The following TYW5 variants were observed in gnomAD, a reference collection of about 807,000 sequenced individuals.
The protein encoded by TYW5 is tRNA wybutosine-synthesizing protein 5.
In TYW5, 36 loss-of-function variants were observed where a neutral mutation model predicts 44.4. The ratio of observed to expected loss-of-function variants is 0.81; its 90% CI spans 0.62 to 1.07. TYW5 has a LOEUF of 1.07. Ranked by LOEUF, TYW5 falls within the 50% of genes least tolerant of loss-of-function variation. The pLI is 0.00. For synonymous variants in TYW5, 121 were observed against 128.1 expected, an observed-to-expected ratio of 0.94 and a Z score of 0.37; for missense variants, 354 against 365.7, an observed-to-expected ratio of 0.97 and a Z score of 0.26.
rs1307055517 is a variant in TYW5, at chr2:199,931,983, T to C, written c.*1084A>G. The stretch of plus-strand genomic sequence containing the variant: ...AAAAGGGATAGGTGGAAAAAATAGT[T>C]GGGAAATCTTTAACTAGGCTAAGGT... On this transcript the variant is annotated 3_prime_UTR_variant, in exon 8 of 8. Transcript: ENST00000354611. The C allele has an allele frequency of 1.3e-5, 2 of 151,652 alleles. No homozygotes were observed. The highest frequency in any genetic ancestry group is 2.9e-5 in the Non-Finnish European group (2 of 67,976). 9.4% of individuals were successfully genotyped at this position (151,652 alleles called of 1,614,324 possible).
chr2:199,946,227 A>G (rs2077502877), intron 2 of TYW5: 1 of 152,230 alleles, frequency 6.6e-6, no homozygotes, highest in East Asian at 1.9e-4. Context: ...CTGATATATA[A>G]TAAGTACTCA....
rs1468274388 is a variant in TYW5, at chr2:199,955,424, C to T, written c.47G>A (p.Arg16Gln). Residue 16 changes from arginine (R) to glutamine (Q), a missense_variant, in exon 1 of 8, where the codon CGG becomes CAG. Arg to Gln is a conservative substitution (Grantham distance 43). Transcript: ENST00000354611. ...GTAGAGGTGCTGCATGAACTGCTCC[C>T]GAGAAACGCCCTCCAGCCGGGGTAC... ...LPVPRLEGVSREQFMQHLYPQ... is the reference protein window; with the variant it reads ...LPVPRLEGVSQEQFMQHLYPQ... 1 of 1,613,920 alleles carries T rather than the reference C, an allele frequency of 6.2e-7. No individual in the cohort carries two copies. Among genetic ancestry groups the T allele is most frequent in the East Asian group, 2.2e-5 (1 of 44,862 alleles).
In TYW5 at chr2:199,932,971, G is replaced by A. The variant is rs1015492896; in HGVS notation, c.*96C>T. 5.7e-6 allele frequency: 8 copies of A among 1,403,946 alleles called. No individual in the cohort carries two copies. In the African/African-American group the frequency reaches 1.2e-4, roughly 20 times the overall value. The allele number at this position is 1,403,946 out of a possible 1,614,324, so 87.0% of individuals were successfully genotyped here. The stretch of plus-strand genomic sequence containing the variant: ...ACACCCCTTCGTACTTACATAATCT[G>A]TAAATCTGATGTATCTTTCCTATTT... On this transcript the variant is annotated 3_prime_UTR_variant, in exon 8 of 8. Coordinates refer to ENST00000354611, the MANE Select transcript of TYW5 (RefSeq NM_001039693.3).
At chr2:199,939,630 C>G (rs1296091900) in intron 4 of TYW5, among the ~76,000 whole-genome samples, 1 of 151,878 alleles carries the variant, frequency 6.6e-6, no homozygotes, top group Non-Finnish European at 1.5e-5. Context: ...AGGGAGGGGA[C>G]TAAAAGAGAG....
chr2:199,936,681 A>C (rs1419560727), intron 5 of TYW5, among the ~76,000 whole-genome samples, 189 bp from the exon 6 acceptor site: 1 of 152,230 alleles, frequency 6.6e-6, no homozygotes, highest in Non-Finnish European at 1.5e-5. Flanking sequence ...ACATTTCTGC[A>C]GTACTGCCCT....
intron 1 of TYW5, among the ~76,000 whole-genome samples, chr2:199,954,716 C>T (rs2077580074): frequency 6.6e-6 from 1 of 152,194 alleles, no homozygotes; most frequent in Non-Finnish European, 1.5e-5. Flanking sequence ...TGAGCCACCG[C>T]GCCCGGCCCC....
intron 1 of TYW5, among the ~76,000 whole-genome samples, chr2:199,950,572 C>T (rs1293159871): frequency 6.6e-6 from 1 of 152,150 alleles, no homozygotes; most frequent in Admixed American, 6.5e-5. Flanking sequence ...CTCCCACAAC[C>T]CCAAGATGTG....
chr2:199,937,318 T>C (rs2077428195), intron 5 of TYW5, among the ~76,000 whole-genome samples: 3 of 152,202 alleles, frequency 2.0e-5, no homozygotes, highest in Admixed American at 2.0e-4. Context: ...GCTTTATATA[T>C]TACATTCTAT....
At chr2:199,936,536 C>G in intron 5 of TYW5, 44 bp from the exon 6 acceptor site, 1 of 1,520,978 alleles carries the variant, frequency 6.6e-7, no homozygotes, top group South Asian at 1.1e-5. Context: ...ATCTAAAATT[C>G]AAATAAATAG....
At position 199,948,872 on chromosome 2, in the gene TYW5, T is replaced by C. The variant is rs376258774; in HGVS notation, c.79-400A>G. On this transcript the variant is annotated intron_variant, in intron 1 of 7. Transcript: ENST00000354611. ...AACATTTTGCACATTTGCTTTATGA[T>C]TTGTTCTTACTTTCAAGAGAAGGAC... Among the ~76,000 whole-genome samples, 11 of 152,310 alleles carry C rather than the reference T, an allele frequency of 7.2e-5. No individual in the cohort carries two copies. The East Asian group carries it at 9.6e-4, about 13-fold the overall frequency.
chr2:199,955,379 C>A lies in TYW5; in HGVS notation c.78+14G>T. The A allele has an allele frequency of 6.2e-7, 1 of 1,612,494 alleles. No homozygotes were observed. Among genetic ancestry groups the A allele is most frequent in the East Asian group, 2.2e-5 (1 of 44,852 alleles). On this transcript the variant is annotated intron_variant, in intron 1 of 7. Coordinates refer to ENST00000354611, the MANE Select transcript of TYW5 (RefSeq NM_001039693.3). ...GCTGGTTTCTCGAGGTTCTGCCCCG[C>A]GCGAGGGCCTCACCTGTGGGTAGAG...
chr2:199,932,801 C>T lies in TYW5; in HGVS notation c.*266G>A. On this transcript the variant is annotated 3_prime_UTR_variant, in exon 8 of 8. Transcript: ENST00000354611. ...TGCAGCACATTCTGTCAATAGATTT[C>T]ATGTATTGTGAATCAATATATTTTC... 1 of 415,068 alleles carries T rather than the reference C, an allele frequency of 2.4e-6. No homozygotes were observed. The highest frequency in any genetic ancestry group is 3.4e-5 in the South Asian group (1 of 29,280). 25.7% of individuals were successfully genotyped at this position (415,068 alleles called of 1,614,324 possible).
At chr2:199,939,694 T>G (rs1354439924) in intron 4 of TYW5, among the ~76,000 whole-genome samples, 2 of 152,198 alleles carry the variant, frequency 1.3e-5, no homozygotes, top group East Asian at 3.9e-4. Flanking sequence ...TTTGATCATT[T>G]TAGGGACTAC....
intron 1 of TYW5, among the ~76,000 whole-genome samples, chr2:199,953,287 T>A (rs2077561456): frequency 6.6e-6 from 1 of 152,024 alleles, no homozygotes; most frequent in Non-Finnish European, 1.5e-5. Flanking sequence ...TGTGCCACTG[T>A]ACTCCAGCCT....
rs942336168 is a variant in TYW5, at chr2:199,929,071, T to C, written c.*3996A>G. ...TCATCTGTAAACTCATGTTGCTCTT[T>C]ACAAAGGAAGAGACCCAGCAGCTTT... On this transcript the variant is annotated 3_prime_UTR_variant, in exon 8 of 8. Transcript: ENST00000354611. Among the ~76,000 whole-genome samples the C allele has an allele frequency of 6.6e-5, 10 of 152,086 alleles. No homozygotes were observed. The highest frequency in any genetic ancestry group is 2.9e-5 in the Non-Finnish European group (2 of 68,024).
rs927036885 is a variant in TYW5, at chr2:199,930,883, C to G, written c.*2184G>C. ...GTTAGATGGCTTCTAAGATCTCTTT[C>G]AATAAAAAAGTTCTAAGATTCAGAA... is the stretch of plus-strand genomic sequence containing the variant. On this transcript the variant is annotated 3_prime_UTR_variant, in exon 8 of 8. Coordinates refer to ENST00000354611, the MANE Select transcript of TYW5 (RefSeq NM_001039693.3). 6.6e-6 allele frequency: 1 copy of G among 152,050 alleles called. No individual in the cohort carries two copies. The highest frequency in any genetic ancestry group is 1.5e-5 in the Non-Finnish European group (1 of 68,004). 9.4% of individuals were successfully genotyped at this position (152,050 alleles called of 1,614,324 possible).
In TYW5 at chr2:199,929,018, A is replaced by C. The variant is rs550526681; in HGVS notation, c.*4049T>G. ...TATTTCACTTGAAGTTCTTAAGAGAAAAACATAAGAGGAGATATAGACAGA... is the reference window on the plus strand; with the variant it reads ...TATTTCACTTGAAGTTCTTAAGAGACAAACATAAGAGGAGATATAGACAGA... On this transcript the variant is annotated 3_prime_UTR_variant, in exon 8 of 8. Coordinates refer to ENST00000354611, the MANE Select transcript of TYW5 (RefSeq NM_001039693.3). Among the ~76,000 whole-genome samples the C allele has an allele frequency of 1.4e-4, 22 of 152,320 alleles. No homozygotes were observed. The highest frequency in any genetic ancestry group is 7.8e-4 in the Admixed American group (12 of 15,310).
At chr2:199,948,241 G>C in intron 2 of TYW5, 77 bp downstream of exon 2, 4 of 1,475,874 alleles carry the variant, frequency 2.7e-6, no homozygotes, top group Non-Finnish European at 2.8e-6. Context: ...TATGGTCTTT[G>C]TATAATAATG....
At chr2:199,935,282 T>C (rs1204543973) in intron 7 of TYW5, among the ~76,000 whole-genome samples, 3 of 151,700 alleles carry the variant, frequency 2.0e-5, no homozygotes, top group Non-Finnish European at 4.4e-5. Flanking sequence ...CTTAGTAAAA[T>C]AGAGTATAAT....
Sources: allele counts gnomAD v4.1 joint callset (sites outside exome capture counted in the v4.1 genomes callset), GRCh38; gene constraint gnomAD v4.1.1; transcripts MANE v1.5; gene names NCBI Gene and HGNC (gene_info 2026-07-23, HGNC 2026-07-21).